RALGPS2: variants seen among roughly 807,000 people sequenced by gnomAD.
RALGPS2 encodes Ral GEF with PH domain and SH3 binding motif 2.
Under a neutral mutation model 86.8 loss-of-function variants are expected in RALGPS2, and 43 were observed. The observed-to-expected ratio is 0.50, with a 90% CI of 0.39 to 0.64. RALGPS2 has a LOEUF of 0.64. RALGPS2 is among the 30% of genes least tolerant of loss of function. RALGPS2 has a pLI of 0.00. For missense variants in RALGPS2, 536 were observed against 694.6 expected, an observed-to-expected ratio of 0.77 and a Z score of 2.57; for synonymous variants, 243 against 231.3, an observed-to-expected ratio of 1.05 and a Z score of -0.46.
At chr1:178,832,801 C>T (rs1382784033) in intron 7 of RALGPS2, among the ~76,000 whole-genome samples, 1 of 151,048 alleles carries the variant, frequency 6.6e-6, no homozygotes, top group African/African-American at 2.4e-5. Context: ...TTCAACTCCC[C>T]TTGATTATTT....
chr1:178,773,736 C>A (rs1383710388), intron 1 of RALGPS2, among the ~76,000 whole-genome samples: 4 of 149,850 alleles, frequency 2.7e-5, no homozygotes, highest in African/African-American at 9.8e-5. Context: ...ATGGAGCTTG[C>A]AGTGAGCCAA....
At chr1:178,744,265 T>C (rs916470196) in intron 1 of RALGPS2, among the ~76,000 whole-genome samples, 2 of 152,054 alleles carry the variant, frequency 1.3e-5, no homozygotes, top group African/African-American at 4.8e-5. Context: ...TCTCAGAAAA[T>C]TGGGGGCAGG....
chr1:178,816,301 T>A (rs1655226130), intron 6 of RALGPS2, among the ~76,000 whole-genome samples: 1 of 152,164 alleles, frequency 6.6e-6, no homozygotes, highest in South Asian at 2.1e-4. Context: ...AGTATCTTAC[T>A]GTGGTTTTAA....
At chr1:178,817,740 C>T (rs1655305631) in intron 6 of RALGPS2, among the ~76,000 whole-genome samples, 1 of 152,180 alleles carries the variant, frequency 6.6e-6, no homozygotes. Flanking sequence ...GACTTTCAAT[C>T]CACAAACATG....
chr1:178,767,903 G>A (rs1652593525), intron 1 of RALGPS2, among the ~76,000 whole-genome samples: 1 of 152,130 alleles, frequency 6.6e-6, no homozygotes, highest in Non-Finnish European at 1.5e-5. Context: ...AGGATAACGG[G>A]AGGCCATGCC....
At chr1:178,813,180 A>T (rs555894150) in intron 6 of RALGPS2, among the ~76,000 whole-genome samples, 1 of 152,070 alleles carries the variant, frequency 6.6e-6, no homozygotes, top group African/African-American at 2.4e-5. Flanking sequence ...GTGATCTCCC[A>T]CCTCGGCCTC....
chr1:178,812,093 A>G (rs986870126), intron 6 of RALGPS2, among the ~76,000 whole-genome samples: 12 of 152,190 alleles, frequency 7.9e-5, no homozygotes, highest in Admixed American at 3.9e-4. Context: ...AGAAAAGCAT[A>G]GCAGATTTAT....
intron 1 of RALGPS2, among the ~76,000 whole-genome samples, chr1:178,729,689 G>A (rs1271354007): frequency 6.6e-6 from 1 of 152,162 alleles, no homozygotes; most frequent in East Asian, 1.9e-4. Flanking sequence ...ATTTGGATTT[G>A]GGATGCCCAA....
chr1:178,750,806 T>C (rs115104841), intron 1 of RALGPS2, among the ~76,000 whole-genome samples: 1,580 of 152,310 alleles, frequency 0.01, 12 homozygotes, highest in Non-Finnish European at 0.014. Context: ...AGTATTGTGG[T>C]ACATTTCTCT....
At chr1:178,778,787 C>T (rs572133929) in intron 2 of RALGPS2, among the ~76,000 whole-genome samples, 6 of 151,002 alleles carry the variant, frequency 4.0e-5, no homozygotes, top group Admixed American at 3.3e-4. Context: ...AGTAAACTAT[C>T]GCAAGAACAA....
At chr1:178,789,098 G>A (rs1222723295) in intron 4 of RALGPS2, among the ~76,000 whole-genome samples, 1 of 151,942 alleles carries the variant, frequency 6.6e-6, no homozygotes, top group Admixed American at 6.6e-5. Flanking sequence ...GTACAGACAG[G>A]GTTTCACTAT....
At chr1:178,858,686 A>G (rs920738838) in intron 8 of RALGPS2, among the ~76,000 whole-genome samples, 4 of 152,214 alleles carry the variant, frequency 2.6e-5, no homozygotes, top group Non-Finnish European at 4.4e-5. Context: ...TCTGATTTAT[A>G]GAAAGAAAAA....
In RALGPS2 at chr1:178,738,800, A is replaced by G. The variant is rs140963061; in HGVS notation, c.-84+13381A>G. ...TAGGATCATTGTAAGGATTTCTTTT[A>G]CTCTTTCTTTCAGAATTTTGAAGAT... On this transcript the variant is annotated intron_variant, in intron 1 of 19. Coordinates refer to ENST00000367635, the MANE Select transcript of RALGPS2 (RefSeq NM_152663.5). Among the ~76,000 whole-genome samples the G allele has an allele frequency of 4.6e-4, 70 of 152,086 alleles. 1 individual carries two copies. Among genetic ancestry groups the G allele is most frequent in the Admixed American group, 4.3e-3 (66 of 15,276 alleles).
intron 8 of RALGPS2, among the ~76,000 whole-genome samples, chr1:178,836,727 C>A (rs568778528): frequency 3.7e-4 from 57 of 152,276 alleles, no homozygotes; most frequent in Non-Finnish European, 3.4e-4. Flanking sequence ...CTACCTTTGT[C>A]TCTTAAATGT....
intron 1 of RALGPS2, among the ~76,000 whole-genome samples, chr1:178,739,725 C>G (rs1437320936): frequency 3.3e-5 from 5 of 152,136 alleles, no homozygotes; most frequent in African/African-American, 1.2e-4. Context: ...TTCAAGAGAT[C>G]CAAAAGGTGA....
intron 1 of RALGPS2, among the ~76,000 whole-genome samples, chr1:178,751,902 C>G (rs1372928625): frequency 6.6e-6 from 1 of 152,152 alleles, no homozygotes; most frequent in African/African-American, 2.4e-5. Flanking sequence ...GGGATCTTTA[C>G]TATTAGAGCA....
intron 19 of RALGPS2, among the ~76,000 whole-genome samples, chr1:178,914,904 A>G (rs969379661): frequency 2.0e-5 from 3 of 152,082 alleles, no homozygotes; most frequent in African/African-American, 7.2e-5. Context: ...GATTCACCTC[A>G]TTGCTATACA....
At chr1:178,803,823 C>T (rs1349244653) in intron 4 of RALGPS2, among the ~76,000 whole-genome samples, 1 of 152,174 alleles carries the variant, frequency 6.6e-6, no homozygotes, top group African/African-American at 2.4e-5. Context: ...TCTCTCCCCT[C>T]AGTATTCCCT....
At position 178,747,715 on chromosome 1, in the gene RALGPS2, C is replaced by T. The variant is rs139108708; in HGVS notation, c.-84+22296C>T. 4.0e-4 allele frequency: 536 copies of T among 1,339,012 alleles called. 4 individuals are homozygous for T. In the East Asian group the frequency reaches 9.4e-3, roughly 23 times the overall value. 82.9% of individuals were successfully genotyped at this position (1,339,012 alleles called of 1,614,324 possible). A position where few individuals can be genotyped will look rare whatever the true frequency, so the allele number is the denominator to read the frequency against. On this transcript the variant is annotated intron_variant, in intron 1 of 19. Transcript: ENST00000367635. ...TACAGCAGCTGCCAGCGATGCTGAG[C>T]ATCCAACTCCTTGAACTCCCACTTG...
Sources: gnomAD v4.1 joint callset for allele counts (sites outside exome capture counted in the v4.1 genomes callset) on GRCh38, gnomAD v4.1.1 for gene constraint, MANE v1.5 for transcripts, NCBI Gene and HGNC (gene_info 2026-07-23, HGNC 2026-07-21) for gene names.